Variants in DOCK6 observed in about 807,000 individuals in gnomAD.
DOCK6 encodes the protein dedicator of cytokinesis protein 6.
Under a neutral mutation model 230.3 loss-of-function variants are expected in DOCK6, and 167 were observed. The ratio of observed to expected loss-of-function variants is 0.73; its 90% confidence interval spans 0.64 to 0.82. DOCK6 has a LOEUF of 0.82. DOCK6 is among the 40% of genes least tolerant of loss of function. DOCK6 has a pLI of 0.00. For missense variants in DOCK6, 2,598 were observed against 2,825.8 expected, an observed-to-expected ratio of 0.92 and a Z score of 1.83; for synonymous variants, 1,148 against 1,185.0, an observed-to-expected ratio of 0.97 and a Z score of 0.64.
At chr19:11,231,793 C>G (rs1247972479) in intron 22 of DOCK6, among the ~76,000 whole-genome samples, 2 of 152,240 alleles carry the variant, frequency 1.3e-5, no homozygotes, top group East Asian at 1.9e-4. Flanking sequence ...AAGGGGAGCT[C>G]TTTGTCTAAA....
intron 41 of DOCK6, chr19:11,203,798 C>T: frequency 1.8e-6 from 1 of 550,534 alleles, no homozygotes. Flanking sequence ...AGTCACCCCG[C>T]CACCCCCCTG....
Position 11,200,590 on chromosome 19 carries a change from G to T in DOCK6, c.5940-121C>A, listed in dbSNP as rs991046780. On this transcript the variant is annotated intron_variant, in intron 46 of 47. Coordinates refer to ENST00000294618, the MANE Select transcript of DOCK6 (RefSeq NM_020812.4). This position sits in a 1 kb window ranked among gnomAD's most constrained non-coding sequence, Gnocchi z 4.3. ...CAGAAAGACCCGCAATAGGAGGTCA[G>T]GTTGGGAGAGTGGACTTAATGGGAA... The T allele has an allele frequency of 3.3e-6, 5 of 1,507,906 alleles. No homozygotes were observed. The highest frequency in any genetic ancestry group is 3.6e-6 in the Non-Finnish European group (4 of 1,118,400). The allele number at this position is 1,507,906 out of a possible 1,614,324, so 93.4% of individuals were successfully genotyped here. A position where few individuals can be genotyped will look rare whatever the true frequency, so the allele number is the denominator to read the frequency against.
At position 11,227,332 on chromosome 19, in the gene DOCK6, C is replaced by T. The variant is rs771027028; in HGVS notation, c.2955+5G>A. 3.1e-6 allele frequency: 5 copies of T among 1,613,572 alleles called. No homozygotes were observed. The South Asian group carries it at 5.5e-5, about 18-fold the overall frequency. On this transcript the variant is annotated splice_donor_5th_base_variant and intron_variant, in intron 24 of 47. Coordinates refer to ENST00000294618, the MANE Select transcript of DOCK6 (RefSeq NM_020812.4). ...CTTCCCACATTGAGACCCTGCATCT[C>T]TCACCTTGTGGACACGGGTGATGAC...
rs201125765 is a variant in DOCK6, at chr19:11,215,809, C to T, written c.4013G>A (p.Arg1338Gln). 1.1e-5 allele frequency: 18 copies of T among 1,613,958 alleles called. No individual in the cohort carries two copies. Among genetic ancestry groups the T allele is most frequent in the Middle Eastern group, 1.6e-4 (1 of 6,062 alleles). The change falls in exon 31 of 48, where the codon CGA becomes CAA. Residue 1338 changes from arginine to glutamine, a missense_variant. Coordinates refer to ENST00000294618, the MANE Select transcript of DOCK6 (RefSeq NM_020812.4). ...GTATGTCACCCTCTTACCACGACTT[C>T]GCCGAACCATTTCTTGTCGAGCTCC... is the stretch of plus-strand genomic sequence containing the variant. ...TIGARQEMVR[R>Q]SRERSPFGNP...
rs1599305880 is a variant in DOCK6 at position 11,262,408 on chromosome 19, G to A, written c.33C>T (p.His11=). 3.1e-6 allele frequency: 4 copies of A among 1,277,010 alleles called. No individual in the cohort carries two copies. The highest frequency in any genetic ancestry group is 3.0e-6 in the Non-Finnish European group (3 of 1,010,928). 79.1% of individuals were successfully genotyped at this position (1,277,010 alleles called of 1,614,324 possible). Residue 11 remains histidine (H), a synonymous_variant, in exon 1 of 48, where the codon CAC becomes CAT. Transcript: ENST00000294618. ...CGCGGCCACACTACCTGTTGATCTTGTGCGCGAAGGCGCGGCGCTCGGAGG... is the reference window on the plus strand; with the variant it reads ...CGCGGCCACACTACCTGTTGATCTTATGCGCGAAGGCGCGGCGCTCGGAGG... MAASERRAFA[H]KINRTVAAEV...
At chr19:11,224,160 A>G (rs990549305) in intron 24 of DOCK6, among the ~76,000 whole-genome samples, 15 of 150,996 alleles carry the variant, frequency 9.9e-5, no homozygotes, top group African/African-American at 3.7e-4. Context: ...CAGTTTTGCA[A>G]TTACTTTCAA....
intron 39 of DOCK6, 168 bp downstream of exon 39, chr19:11,208,518 A>T (rs1600854949): frequency 2.2e-6 from 2 of 916,844 alleles, no homozygotes; most frequent in African/African-American, 3.3e-5. Flanking sequence ...TGGCCTCATG[A>T]CCTGCCTGCC....
chr19:11,224,888 C>G (rs1277890181), intron 24 of DOCK6, among the ~76,000 whole-genome samples: 1 of 152,016 alleles, frequency 6.6e-6, no homozygotes, highest in African/African-American at 2.4e-5. Flanking sequence ...TATGGTGAAA[C>G]CCCATCTCTA....
intron 7 of DOCK6, chr19:11,247,809 G>T: frequency 2.4e-6 from 1 of 420,592 alleles, no homozygotes; most frequent in Non-Finnish European, 4.4e-6. Flanking sequence ...ACTTCATGAG[G>T]TTGTGGTGAA....
chr19:11,231,854 C>G (rs2079770197), intron 22 of DOCK6, among the ~76,000 whole-genome samples: 1 of 152,182 alleles, frequency 6.6e-6, no homozygotes, highest in African/African-American at 2.4e-5. Context: ...AGAGTCCCAT[C>G]ATCAGGGGTG....
chr19:11,235,699 C>T lies in DOCK6; in HGVS notation c.2453G>A (p.Ser818Asn). ...GCGGGCATCCTGGGCTGCCTCCAGGCTCCGGTGAACAAGGCTGACTACATG... is the reference window on the plus strand; with the variant it reads ...GCGGGCATCCTGGGCTGCCTCCAGGTTCCGGTGAACAAGGCTGACTACATG... ...MAHVVSLVHRSLEAAQDARGH... is the reference protein window; with the variant it reads ...MAHVVSLVHRNLEAAQDARGH... Residue 818 changes from serine (S) to asparagine (N), a missense_variant, in exon 21 of 48, where the codon AGC becomes AAC. By Grantham distance (46) the Ser-to-Asn change is conservative. Coordinates refer to ENST00000294618, the MANE Select transcript of DOCK6 (RefSeq NM_020812.4). 1 of 1,600,992 alleles carries T rather than the reference C, an allele frequency of 6.2e-7. No individual in the cohort carries two copies. Among genetic ancestry groups the T allele is most frequent in the Non-Finnish European group, 8.5e-7 (1 of 1,173,660 alleles).
chr19:11,239,919 C>T (rs1439436787), intron 14 of DOCK6: 13 of 1,585,800 alleles, frequency 8.2e-6, no homozygotes, highest in African/African-American at 1.3e-5. Flanking sequence ...TTCGGGCAAG[C>T]CTGTTGGAGA....
At chr19:11,217,759 A>G (rs1433815757) in intron 28 of DOCK6, among the ~76,000 whole-genome samples, 1 of 145,198 alleles carries the variant, frequency 6.9e-6, no homozygotes, top group Non-Finnish European at 1.5e-5. Context: ...CTCTGTCTCA[A>G]AAAAAAAAAA....
chr19:11,213,249 C>G lies in DOCK6; in HGVS notation c.4418G>C (p.Arg1473Pro), dbSNP rs762849197. Residue 1473 changes from arginine (R) to proline (P), a missense_variant, in exon 35 of 48, where the codon CGC (arginine) becomes CCC (proline). By Grantham distance (103) the Arg-to-Pro change is moderately radical (BLOSUM62 -2). Coordinates refer to ENST00000294618, the MANE Select transcript of DOCK6 (RefSeq NM_020812.4). ...GGCGTGCGTGCGGATGGTGCTGATG[C>G]GGCTGCCACAGTGTCGTAGGAGCCT... Reference protein sequence around the residue: ...CLRLLRHCGSRISTIRTHASA... With the variant: ...CLRLLRHCGSPISTIRTHASA... 5.6e-6 allele frequency: 9 copies of G among 1,612,262 alleles called. No homozygotes were observed. Among genetic ancestry groups the G allele is most frequent in the African/African-American group, 1.3e-5 (1 of 74,936 alleles).
rs1766991245 is a variant in DOCK6 at position 11,202,298 on chromosome 19, G to A, written c.5451+96C>T. The A allele has an allele frequency of 9.5e-6, 14 of 1,466,438 alleles. No homozygotes were observed. The South Asian group carries it at 1.7e-4, about 18-fold the overall frequency. 90.8% of individuals were successfully genotyped at this position (1,466,438 alleles called of 1,614,324 possible). ...GGGTCCCTCAGTGAAATATGATTTG[G>A]GGTTTCCCAGAGAAAGAGGATTTGA... is the stretch of plus-strand genomic sequence containing the variant. On this transcript the variant is annotated intron_variant, in intron 43 of 47. Coordinates refer to ENST00000294618, the MANE Select transcript of DOCK6 (RefSeq NM_020812.4). The surrounding 1 kb of genome is among the most constrained non-coding windows in gnomAD (Gnocchi z 5.3).
At position 11,242,199 on chromosome 19, in the gene DOCK6, TG is replaced by T. The variant is rs1222929405; in HGVS notation, c.1488del (p.Lys497ArgfsTer81). The T allele has an allele frequency of 6.9e-7, 1 of 1,459,072 alleles. No homozygotes were observed. The highest frequency in any genetic ancestry group is 2.7e-5 in the Admixed American group (1 of 36,782). The allele number at this position is 1,459,072 out of a possible 1,614,324, so 90.4% of individuals were successfully genotyped here. Reference protein sequence around the residue: ...LRRLRPVTAQLKIDISPAPEN... With the variant: ...LRRLRPVTAQXKIDISPAPEN... ...TCAGGAGCCGGAGAAATGTCGATCT[TG>T]AGCTGGGCTGGGAAGGGAAGAACCG... On this transcript the variant is annotated frameshift_variant, in exon 14 of 48. Coordinates refer to ENST00000294618, the MANE Select transcript of DOCK6 (RefSeq NM_020812.4). LOFTEE classifies it high-confidence loss of function.
At chr19:11,203,721 T>C (rs1288417504) in intron 41 of DOCK6, 1 of 362,496 alleles carries the variant, frequency 2.8e-6, no homozygotes, top group Non-Finnish European at 5.0e-6. Context: ...GATACCAAGA[T>C]AGGGAGAGCC....
At chr19:11,227,289 A>G in intron 24 of DOCK6, 48 bp downstream of exon 24, 3 of 1,600,902 alleles carry the variant, frequency 1.9e-6, no homozygotes, top group Non-Finnish European at 1.7e-6. Context: ...GGCTGGCTCT[A>G]TGTCCTCCCT....
chr19:11,215,665 GTGA>G (rs1397579344), intron 31 of DOCK6, 133 bp downstream of exon 31: 7 of 1,457,104 alleles, frequency 4.8e-6, no homozygotes, highest in Non-Finnish European at 6.6e-6. Flanking sequence ...CATGTGTACG[GTGA>G]TGATTTGTGG....
Sources: allele counts gnomAD v4.1 joint callset (sites outside exome capture counted in the v4.1 genomes callset), GRCh38; gene constraint gnomAD v4.1.1; non-coding constraint Gnocchi (gnomAD v3.1); transcripts MANE v1.5; gene names NCBI Gene and HGNC (gene_info 2026-07-23, HGNC 2026-07-21).